Variants in PHTF1 observed in about 807,000 individuals in gnomAD.
The protein encoded by PHTF1 is protein PHTF1.
PHTF1 carries 88 observed loss-of-function variants against 102.4 expected under a neutral mutation model. The observed-to-expected ratio is 0.86, with a 90% CI of 0.72 to 1.03. PHTF1 has a LOEUF of 1.03. PHTF1 is among the 50% of genes least tolerant of loss of function. The pLI is 0.00. For synonymous variants in PHTF1, 289 were observed against 305.2 expected (o/e 0.95, Z 0.55); for missense variants, 814 against 909.5 (o/e 0.89, Z 1.35).
At position 113,704,151 on chromosome 1, in the gene PHTF1, C is replaced by A; in HGVS notation, c.1820G>T (p.Arg607Leu). The A allele has an allele frequency of 1.9e-6, 3 of 1,611,526 alleles. No homozygotes were observed. The highest frequency in any genetic ancestry group is 2.5e-6 in the Non-Finnish European group (3 of 1,177,912). ...RSYLKRRGPQ[R>L]SVDVVVSSVF... is the part of the protein sequence containing the mutation. ...CGAGGATACAACCACATCAACTGAA[C>A]GCTGTGGCCCCCGTCTCTGTGGAGT... Residue 607 changes from arginine (R) to leucine (L), a missense_variant, in exon 15 of 19, where the codon CGT (arginine) becomes CTT (leucine). Arg to Leu is a moderately radical substitution (Grantham distance 102, BLOSUM62 -2). Transcript: ENST00000369604.
At chr1:113,757,496 C>T (rs1208242262) in intron 3 of PHTF1, among the ~76,000 whole-genome samples, 1 of 152,226 alleles carries the variant, frequency 6.6e-6, no homozygotes, top group African/African-American at 2.4e-5. Flanking sequence ...CATCATAGAA[C>T]AACTCACTCC....
intron 5 of PHTF1, among the ~76,000 whole-genome samples, chr1:113,731,639 AT>A (rs1654657349): frequency 6.6e-6 from 1 of 152,130 alleles, no homozygotes; most frequent in Non-Finnish European, 1.5e-5. Context: ...CACACCTGTA[AT>A]CCCAGCACTT....
intron 8 of PHTF1, among the ~76,000 whole-genome samples, chr1:113,712,782 A>G (rs1390578643): frequency 7.6e-6 from 1 of 131,832 alleles, no homozygotes; most frequent in South Asian, 2.7e-4. Context: ...ATAACTCACA[A>G]AATTTTTTTT....
At position 113,752,493 on chromosome 1, in the gene PHTF1, C is replaced by T. The variant is rs184473758; in HGVS notation, c.102+5206G>A. 4.8e-3 allele frequency among the ~76,000 whole-genome samples: 710 copies of T among 148,242 alleles called. 5 individuals carry two copies. Among genetic ancestry groups the T allele is most frequent in the Non-Finnish European group, 4.9e-3 (329 of 67,350 alleles). On this transcript the variant is annotated intron_variant, in intron 3 of 18. Coordinates refer to ENST00000369604, the MANE Select transcript of PHTF1 (RefSeq NM_001323043.2). The stretch of plus-strand genomic sequence containing the variant: ...TGGCTCACTGCAAGCTCTGCCTCCC[C>T]GGGTTCACGCCATTCTCCTGTCTCA...
At chr1:113,698,232 A>G (rs771916715) in intron 18 of PHTF1, 30 bp downstream of exon 18, 1 of 1,555,238 alleles carries the variant, frequency 6.4e-7, no homozygotes, top group Non-Finnish European at 8.8e-7. Context: ...TTTTAAGACT[A>G]GGATGCTACA....
At position 113,699,814 on chromosome 1, in the gene PHTF1, A is replaced by T; in HGVS notation, c.2047-15T>A. 2 of 973,156 alleles carry T rather than the reference A, an allele frequency of 2.1e-6. No individual in the cohort carries two copies. Among genetic ancestry groups the T allele is most frequent in the Non-Finnish European group, 3.1e-6 (2 of 636,906 alleles). 60.3% of individuals were successfully genotyped at this position (973,156 alleles called of 1,614,324 possible). On this transcript the variant is annotated splice_polypyrimidine_tract_variant and intron_variant, in intron 16 of 18. Coordinates refer to ENST00000369604, the MANE Select transcript of PHTF1 (RefSeq NM_001323043.2). ...TATAAATTAATCTAAGGGAAGGAAT[A>T]GAAATTAAGGTAAATTTCTTGGAAA...
chr1:113,733,265 C>G (rs1173506475), intron 5 of PHTF1, among the ~76,000 whole-genome samples: 1 of 151,746 alleles, frequency 6.6e-6, no homozygotes, highest in Non-Finnish European at 1.5e-5. Flanking sequence ...GTACTCTCAT[C>G]TATTGCTTTC....
chr1:113,718,768 G>C (rs758205998), intron 7 of PHTF1, among the ~76,000 whole-genome samples: 4 of 152,204 alleles, frequency 2.6e-5, no homozygotes, highest in Non-Finnish European at 5.9e-5. Context: ...TGGGACATGG[G>C]ACACCAAGTC....
chr1:113,708,102 A>AG (rs1650491766), intron 11 of PHTF1, among the ~76,000 whole-genome samples: 1 of 152,194 alleles, frequency 6.6e-6, no homozygotes, highest in Admixed American at 6.5e-5. Flanking sequence ...AGCAATCCAG[A>AG]AAGAAGAAAA....
intron 15 of PHTF1, chr1:113,703,875 T>G: frequency 4.1e-6 from 2 of 492,122 alleles, no homozygotes; most frequent in Non-Finnish European, 7.3e-6. Flanking sequence ...CAACTAAAAT[T>G]AGAGCGATCT....
chr1:113,699,563 C>T (rs1280107932), intron 17 of PHTF1, 141 bp downstream of exon 17: 9 of 670,690 alleles, frequency 1.3e-5, no homozygotes, highest in Non-Finnish European at 1.9e-5. Flanking sequence ...ACTGTGACCC[C>T]TACCCCTGAT....
Position 113,699,809 on chromosome 1 carries a change from G to A in PHTF1, c.2047-10C>T. 3.0e-6 allele frequency: 3 copies of A among 1,008,318 alleles called. No homozygotes were observed. The highest frequency in any genetic ancestry group is 4.5e-6 in the Non-Finnish European group (3 of 668,498). The allele number at this position is 1,008,318 out of a possible 1,614,324, so 62.5% of individuals were successfully genotyped here. A position where few individuals can be genotyped will look rare whatever the true frequency, so the allele number is the denominator to read the frequency against. On this transcript the variant is annotated splice_polypyrimidine_tract_variant and intron_variant, in intron 16 of 18. Coordinates refer to ENST00000369604, the MANE Select transcript of PHTF1 (RefSeq NM_001323043.2). ...TAAGATATAAATTAATCTAAGGGAA[G>A]GAATAGAAATTAAGGTAAATTTCTT... is the stretch of plus-strand genomic sequence containing the variant.
intron 6 of PHTF1, chr1:113,725,539 A>G (rs1042404362): frequency 2.6e-5 from 4 of 152,396 alleles, no homozygotes; most frequent in East Asian, 1.9e-4. Flanking sequence ...GGAAGATAAC[A>G]TAACTTTTGG....
intron 5 of PHTF1, among the ~76,000 whole-genome samples, chr1:113,733,060 ATTTTTTTTTT>A (rs386368123): frequency 1.1e-4 from 9 of 84,162 alleles, no homozygotes; most frequent in African/African-American, 4.6e-4. Context: ...CGCCTGGCTA[ATTTTTTTTTT>A]TTTTTTTTTT....
chr1:113,739,813 T>C (rs922159462), intron 3 of PHTF1, among the ~76,000 whole-genome samples: 2 of 152,226 alleles, frequency 1.3e-5, no homozygotes, highest in Non-Finnish European at 2.9e-5. Flanking sequence ...CTTCCATGTA[T>C]GTGTGAGAAC....
At chr1:113,757,626 T>A (rs922375977) in intron 3 of PHTF1, 73 bp downstream of exon 3, 1 of 952,640 alleles carries the variant, frequency 1.0e-6, no homozygotes, top group Non-Finnish European at 1.7e-6. Flanking sequence ...ATGCAGAGTT[T>A]ACCAGGTAAG....
intron 2 of PHTF1, 135 bp from the exon 3 acceptor site, chr1:113,757,890 T>G (rs1404297620): frequency 2.2e-5 from 14 of 637,798 alleles, no homozygotes; most frequent in Non-Finnish European, 3.1e-5. Flanking sequence ...AAAGTTAGAA[T>G]AAATCAATAC....
rs746631270 is a variant in PHTF1, at chr1:113,726,449, G to T, written c.457C>A (p.Pro153Thr). The T allele has an allele frequency of 1.3e-5, 21 of 1,609,514 alleles. No homozygotes were observed. The highest frequency in any genetic ancestry group is 1.8e-5 in the Non-Finnish European group (21 of 1,178,168). Reference protein sequence around the residue: ...CQIVSTQITRPSGNNGNRRRR... With the variant: ...CQIVSTQITRTSGNNGNRRRR... The stretch of plus-strand genomic sequence containing the variant: ...CTTCGATTTCCATTGTTTCCTGATG[G>T]TCTTGTTATCTGAGTAGACACAATT... The change falls in exon 6 of 19, where the codon CCA (proline) becomes ACA (threonine). Residue 153 changes from proline (P) to threonine (T), a missense_variant. By Grantham distance (38) the Pro-to-Thr change is conservative. Coordinates refer to ENST00000369604, the MANE Select transcript of PHTF1 (RefSeq NM_001323043.2).
intron 3 of PHTF1, 119 bp from the exon 4 acceptor site, chr1:113,738,918 C>G: frequency 1.8e-6 from 1 of 567,782 alleles, no homozygotes; most frequent in Non-Finnish European, 3.1e-6. Flanking sequence ...ATGGCGTGAT[C>G]TCGGCTCACT....
Sources: allele counts gnomAD v4.1 joint callset (sites outside exome capture counted in the v4.1 genomes callset), GRCh38; gene constraint gnomAD v4.1.1; transcripts MANE v1.5; gene names NCBI Gene and HGNC (gene_info 2026-07-23, HGNC 2026-07-21).